The following TRUB1 variants were observed in gnomAD, a reference collection of about 807,000 sequenced individuals.
TRUB1 encodes pseudouridylate synthase TRUB1.
In TRUB1, 23 loss-of-function variants were observed where a neutral mutation model predicts 33.9. The observed-to-expected ratio is 0.68, with a 90% CI of 0.49 to 0.96. The LOEUF is 0.96. TRUB1 is among the 40% of genes least tolerant of loss of function. TRUB1 has a pLI of 0.00. For missense variants in TRUB1, 378 were observed against 422.2 expected (o/e 0.90, Z 0.92); for synonymous variants, 163 against 165.4 (o/e 0.99, Z 0.11).
chr10:114,941,873 C>G (rs557995027), intron 1 of TRUB1, among the ~76,000 whole-genome samples: 1 of 152,244 alleles, frequency 6.6e-6, no homozygotes, highest in South Asian at 2.1e-4. Context: ...CAAACTCCGC[C>G]TCCCAGGTTC....
intron 3 of TRUB1, among the ~76,000 whole-genome samples, chr10:114,959,050 C>G (rs1257955738): frequency 6.6e-6 from 1 of 152,104 alleles, no homozygotes; most frequent in Admixed American, 6.5e-5. Flanking sequence ...GCAGGAGAAT[C>G]GCTTGAACCC....
In TRUB1 at chr10:114,942,702, G is replaced by A. The variant is rs1232207143; in HGVS notation, c.344G>A (p.Gly115Glu). ...AGGAAAAAGCAGACTTTGAAAATTGGGCATGGAGGGACTCTAGACAGCGCA... is the reference window on the plus strand; with the variant it reads ...AGGAAAAAGCAGACTTTGAAAATTGAGCATGGAGGGACTCTAGACAGCGCA... ...TKRKKQTLKIGHGGTLDSAAR... is the reference protein window; with the variant it reads ...TKRKKQTLKIEHGGTLDSAAR... The change falls in exon 2 of 8, where the codon GGG (glycine) becomes GAG (glutamate). Residue 115 changes from glycine to glutamate, a missense_variant. Transcript: ENST00000298746. 1.2e-6 allele frequency: 2 copies of A among 1,613,972 alleles called. No individual in the cohort carries two copies. The highest frequency in any genetic ancestry group is 8.5e-7 in the Non-Finnish European group (1 of 1,179,948).
chr10:114,974,287 A>G lies in TRUB1; in HGVS notation c.737-42A>G, dbSNP rs1288446358. On this transcript the variant is annotated intron_variant, in intron 6 of 7. Coordinates refer to ENST00000298746, the MANE Select transcript of TRUB1 (RefSeq NM_139169.5). The stretch of plus-strand genomic sequence containing the variant: ...ATCATTTCTATGTAAAGTGGATTTC[A>G]TAGGAGGTTAGCAATTTACTATGTC... The G allele has an allele frequency of 8.6e-6, 13 of 1,503,862 alleles. No individual in the cohort carries two copies. In the South Asian group the frequency reaches 1.1e-4, roughly 13 times the overall value. The allele number at this position is 1,503,862 out of a possible 1,614,324, so 93.2% of individuals were successfully genotyped here.
chr10:114,955,608 T>C (rs897948434), intron 3 of TRUB1, among the ~76,000 whole-genome samples: 2 of 152,104 alleles, frequency 1.3e-5, no homozygotes, highest in African/African-American at 2.4e-5. Flanking sequence ...AAGTTTCCCC[T>C]TCTTGGTGTG....
chr10:114,974,523 C>T (rs2084351379), intron 7 of TRUB1, 138 bp downstream of exon 7: 1 of 642,532 alleles, frequency 1.6e-6, no homozygotes. Flanking sequence ...GCTTTAAAAG[C>T]ATTGTAGGTT....
At chr10:114,952,666 A>G (rs1241534915) in intron 3 of TRUB1, among the ~76,000 whole-genome samples, 1 of 152,252 alleles carries the variant, frequency 6.6e-6, no homozygotes, top group African/African-American at 2.4e-5. Flanking sequence ...CCTCTGATAA[A>G]TGAAAAGCTT....
chr10:114,944,487 T>C (rs1444216045), intron 2 of TRUB1, among the ~76,000 whole-genome samples: 2 of 152,112 alleles, frequency 1.3e-5, no homozygotes, highest in South Asian at 2.1e-4. Flanking sequence ...GGTGAGACCC[T>C]GTCTCTACTA....
chr10:114,941,741 C>G (rs2084187731), intron 1 of TRUB1, among the ~76,000 whole-genome samples: 1 of 152,074 alleles, frequency 6.6e-6, no homozygotes, highest in Non-Finnish European at 1.5e-5. Flanking sequence ...TTAATCTTAG[C>G]TGCTTTCCAC....
At chr10:114,967,764 C>T (rs1276426449) in intron 4 of TRUB1, among the ~76,000 whole-genome samples, 1 of 152,070 alleles carries the variant, frequency 6.6e-6, no homozygotes, top group African/African-American at 2.4e-5. Context: ...ATACTTATGT[C>T]ATAAGAACGA....
At position 114,975,103 on chromosome 10, in the gene TRUB1, T is replaced by C; in HGVS notation, c.794-20T>C. ...AATCGTTTATCTTCTGGATTTTTTT[T>C]CTACCTTTTGTTGCCATAGAACTAT... is the stretch of plus-strand genomic sequence containing the variant. On this transcript the variant is annotated intron_variant, in intron 7 of 7. Coordinates refer to ENST00000298746, the MANE Select transcript of TRUB1 (RefSeq NM_139169.5). The C allele has an allele frequency of 6.3e-7, 1 of 1,589,724 alleles. No individual in the cohort carries two copies. Among genetic ancestry groups the C allele is most frequent in the Admixed American group, 1.8e-5 (1 of 54,900 alleles).
At chr10:114,953,313 C>T (rs2084245575) in intron 3 of TRUB1, among the ~76,000 whole-genome samples, 1 of 152,082 alleles carries the variant, frequency 6.6e-6, no homozygotes, top group African/African-American at 2.4e-5. Context: ...TTACAGAAAC[C>T]TAGTTCTTAG....
In TRUB1 at chr10:114,959,751, G is replaced by A; in HGVS notation, c.467G>A (p.Gly156Glu). 1.9e-6 allele frequency: 3 copies of A among 1,609,896 alleles called. No individual in the cohort carries two copies. Among genetic ancestry groups the A allele is most frequent in the Non-Finnish European group, 2.6e-6 (3 of 1,176,420 alleles). ...AGATATACTGCCATTGGAGAACTGG[G>A]GAAAGCTACTGATACACTAGATTCT... ...SKRYTAIGEL[G>E]KATDTLDSTG... Residue 156 changes from glycine to glutamate, a missense_variant, in exon 4 of 8, where the codon GGG becomes GAG. Transcript: ENST00000298746.
At chr10:114,951,474 C>T (rs1445721247) in intron 3 of TRUB1, among the ~76,000 whole-genome samples, 1 of 152,084 alleles carries the variant, frequency 6.6e-6, no homozygotes, top group African/African-American at 2.4e-5. Context: ...CTTTTTTAAA[C>T]CTTGGAATTT....
At position 114,946,764 on chromosome 10, in the gene TRUB1, A is replaced by G. The variant is rs114724395; in HGVS notation, c.385+4021A>G. On this transcript the variant is annotated intron_variant, in intron 2 of 7. Coordinates refer to ENST00000298746, the MANE Select transcript of TRUB1 (RefSeq NM_139169.5). ...TATTAATGGTGCAGATTAAGAATTTAGCTGACAATTTAAGATTATAACCTG... is the reference window on the plus strand; with the variant it reads ...TATTAATGGTGCAGATTAAGAATTTGGCTGACAATTTAAGATTATAACCTG... Among the ~76,000 whole-genome samples the G allele has an allele frequency of 7.5e-3, 1,139 of 152,270 alleles. 12 individuals carry two copies. Among genetic ancestry groups the G allele is most frequent in the African/African-American group, 0.025 (1,026 of 41,528 alleles).
chr10:114,967,873 T>G (rs974428423), intron 4 of TRUB1, among the ~76,000 whole-genome samples: 1 of 152,234 alleles, frequency 6.6e-6, no homozygotes, highest in African/African-American at 2.4e-5. Flanking sequence ...ATAAGATAAC[T>G]TGCTGTGTAG....
chr10:114,975,107 C>T lies in TRUB1; in HGVS notation c.794-16C>T, dbSNP rs377751912. Reference sequence around the variant, plus strand: ...GTTTATCTTCTGGATTTTTTTTCTACCTTTTGTTGCCATAGAACTATCTTC... The same window carrying T: ...GTTTATCTTCTGGATTTTTTTTCTATCTTTTGTTGCCATAGAACTATCTTC... On this transcript the variant is annotated splice_polypyrimidine_tract_variant and intron_variant, in intron 7 of 7. Transcript: ENST00000298746. 15 of 1,584,434 alleles carry T rather than the reference C, an allele frequency of 9.5e-6. No homozygotes were observed. The highest frequency in any genetic ancestry group is 1.7e-4 in the Middle Eastern group (1 of 5,870).
At chr10:114,975,075 C>T (rs1429670293) in intron 7 of TRUB1, 48 bp from the exon 8 acceptor site, 1 of 1,563,150 alleles carries the variant, frequency 6.4e-7, no homozygotes, top group East Asian at 2.3e-5. Context: ...CTATGAAATA[C>T]TGAATCGTTT....
chr10:114,972,012 G>A, intron 5 of TRUB1, 123 bp from the exon 6 acceptor site: 4 of 1,068,066 alleles, frequency 3.7e-6, no homozygotes, highest in Non-Finnish European at 5.4e-6. Flanking sequence ...TTTTCATTGT[G>A]AAGCACTGCC....
intron 4 of TRUB1, among the ~76,000 whole-genome samples, chr10:114,966,193 G>A (rs2084306845): frequency 6.6e-6 from 1 of 152,002 alleles, no homozygotes; most frequent in African/African-American, 2.4e-5. Context: ...TTTCAGATAT[G>A]GATTCAAGGT....
Sources: gnomAD v4.1 joint callset for allele counts (sites outside exome capture counted in the v4.1 genomes callset) on GRCh38, gnomAD v4.1.1 for gene constraint, MANE v1.5 for transcripts, NCBI Gene and HGNC (gene_info 2026-07-23, HGNC 2026-07-21) for gene names.